Variants in RIC8B observed in about 807,000 individuals in gnomAD.
RIC8B encodes RIC8 guanine nucleotide exchange factor B, also known as chaperone Ric-8B.
Under a neutral mutation model 57.5 loss-of-function variants are expected in RIC8B, and 16 were observed. That is an observed-to-expected ratio of 0.28 (90% CI 0.19 to 0.42). RIC8B has a LOEUF of 0.42. Ranked by LOEUF, RIC8B falls within the 10% of genes least tolerant of loss-of-function variation. The pLI is 1.00. For missense variants in RIC8B, 481 were observed against 677.0 expected, an observed-to-expected ratio of 0.71 and a Z score of 3.21; for synonymous variants, 216 against 250.8, an observed-to-expected ratio of 0.86 and a Z score of 1.31.
intron 9 of RIC8B, among the ~76,000 whole-genome samples, chr12:106,875,173 T>C (rs555813521): frequency 6.6e-6 from 1 of 152,154 alleles, no homozygotes; most frequent in East Asian, 1.9e-4. Context: ...ATTTAAATAT[T>C]GGGGTCCATA....
chr12:106,824,182 C>T (rs2045987048), intron 3 of RIC8B, among the ~76,000 whole-genome samples: 1 of 152,160 alleles, frequency 6.6e-6, no homozygotes. Flanking sequence ...ACCCTTCCCC[C>T]AACCTTCAAA....
intron 2 of RIC8B, among the ~76,000 whole-genome samples, chr12:106,811,328 G>T (rs1052345916): frequency 6.6e-6 from 1 of 152,244 alleles, no homozygotes; most frequent in South Asian, 2.1e-4. Flanking sequence ...TCATAGTTCA[G>T]TGATTCTCAC....
chr12:106,796,038 G>A (rs780711657), intron 2 of RIC8B, among the ~76,000 whole-genome samples: 26 of 152,108 alleles, frequency 1.7e-4, no homozygotes, highest in Non-Finnish European at 2.9e-4. Context: ...CCATGGTCAT[G>A]GATTAGAAGA....
chr12:106,776,046 G>A (rs983077017), intron 1 of RIC8B, among the ~76,000 whole-genome samples: 2 of 152,170 alleles, frequency 1.3e-5, no homozygotes, highest in African/African-American at 2.4e-5. Flanking sequence ...TGGGAGGAGA[G>A]TGATGGTATT....
chr12:106,870,606 C>T (rs1056253522), intron 8 of RIC8B, among the ~76,000 whole-genome samples: 2 of 151,166 alleles, frequency 1.3e-5, no homozygotes, highest in Non-Finnish European at 1.5e-5. Flanking sequence ...AGACAGTTTT[C>T]GTTTTTTAAA....
chr12:106,851,339 T>TTTCA, intron 6 of RIC8B, 111 bp from the exon 7 acceptor site: 1 of 302,506 alleles, frequency 3.3e-6, no homozygotes, highest in Non-Finnish European at 6.2e-6. Flanking sequence ...TTTTTTTTGC[T>TTTCA]CCTACAATAC....
intron 9 of RIC8B, among the ~76,000 whole-genome samples, chr12:106,883,588 ACT>A (rs1951054862): frequency 6.6e-6 from 1 of 151,736 alleles, no homozygotes; most frequent in African/African-American, 2.4e-5. Flanking sequence ...TCTACTTACT[ACT>A]CTCATTCTCC....
At chr12:106,794,594 T>A (rs114380385) in intron 2 of RIC8B, among the ~76,000 whole-genome samples, 1 of 152,116 alleles carries the variant, frequency 6.6e-6, no homozygotes, top group African/African-American at 2.4e-5. Context: ...AGCTGACTTA[T>A]CAGAAATGTA....
chr12:106,813,701 A>T (rs1179998768), intron 2 of RIC8B, among the ~76,000 whole-genome samples: 1 of 152,150 alleles, frequency 6.6e-6, no homozygotes, highest in East Asian at 1.9e-4. Flanking sequence ...ATTAAGTCTG[A>T]TGATAGATTA....
chr12:106,779,751 C>T (rs1241956362), intron 1 of RIC8B, among the ~76,000 whole-genome samples: 1 of 149,178 alleles, frequency 6.7e-6, no homozygotes, highest in Non-Finnish European at 1.5e-5. Context: ...AATCCTTTGG[C>T]TACTGTTGGG....
At chr12:106,834,526 C>G (rs1370483713) in intron 4 of RIC8B, among the ~76,000 whole-genome samples, 1 of 152,128 alleles carries the variant, frequency 6.6e-6, no homozygotes, top group African/African-American at 2.4e-5. Context: ...ACTCTTCTCT[C>G]AATTTTAATA....
At chr12:106,781,571 C>G (rs2043764612) in intron 1 of RIC8B, among the ~76,000 whole-genome samples, 1 of 152,086 alleles carries the variant, frequency 6.6e-6, no homozygotes, top group Non-Finnish European at 1.5e-5. Context: ...CCTCACAGAC[C>G]ATTATATTTT....
intron 4 of RIC8B, among the ~76,000 whole-genome samples, chr12:106,834,492 A>T (rs2046495997): frequency 6.6e-6 from 1 of 152,130 alleles, no homozygotes; most frequent in Non-Finnish European, 1.5e-5. Flanking sequence ...CATCACTGCT[A>T]CCCTTCTGTA....
At chr12:106,806,189 C>G (rs1009779917) in intron 2 of RIC8B, among the ~76,000 whole-genome samples, 1 of 152,146 alleles carries the variant, frequency 6.6e-6, no homozygotes, top group Non-Finnish European at 1.5e-5. Flanking sequence ...TCAGGTGATC[C>G]GCCCACCTCG....
intron 2 of RIC8B, among the ~76,000 whole-genome samples, chr12:106,785,438 C>T (rs551537468): frequency 6.6e-6 from 1 of 152,250 alleles, no homozygotes; most frequent in Admixed American, 6.5e-5. Flanking sequence ...CTATATAAAT[C>T]TCTAAATTAA....
chr12:106,823,921 G>A lies in RIC8B; in HGVS notation c.742-1805G>A, dbSNP rs550050970. Among the ~76,000 whole-genome samples, 26 of 152,224 alleles carry A rather than the reference G, an allele frequency of 1.7e-4. No homozygotes were observed. The South Asian group carries it at 2.9e-3, about 17-fold the overall frequency. ...GGCTATCCTCTAACTCCTGACCTCA[G>A]GTGATCCACCCGCCTCGGCCTCCCG... On this transcript the variant is annotated intron_variant, in intron 3 of 9. Transcript: ENST00000392837.
chr12:106,784,305 C>T (rs971317748), intron 2 of RIC8B, among the ~76,000 whole-genome samples: 2 of 152,104 alleles, frequency 1.3e-5, no homozygotes, highest in African/African-American at 4.8e-5. Context: ...GAGTCTCTTC[C>T]CAGATCTACT....
Position 106,815,141 on chromosome 12 carries a change from C to G in RIC8B, c.578C>G (p.Thr193Arg). 6.2e-7 allele frequency: 1 copy of G among 1,614,216 alleles called. No homozygotes were observed. The highest frequency in any genetic ancestry group is 8.5e-7 in the Non-Finnish European group (1 of 1,180,038). ...GAGCTCCAGGGACTACCGCTGCTAA[C>G]GCAGATCTTGGAAAGTGCCTTTAGC... ...RYELQGLPLL[T>R]QILESAFSIK... Residue 193 changes from threonine to arginine, a missense_variant, in exon 3 of 10, where the codon ACG becomes AGG. Physicochemically the swap from Thr to Arg is moderately conservative, Grantham distance 71. Transcript: ENST00000392837.
At chr12:106,784,827 A>G (rs984693644) in intron 2 of RIC8B, among the ~76,000 whole-genome samples, 3 of 152,204 alleles carry the variant, frequency 2.0e-5, no homozygotes, top group African/African-American at 7.2e-5. Context: ...CCTTGAAATC[A>G]TTCCTCCATT....
Sources: gnomAD v4.1 joint callset for allele counts (sites outside exome capture counted in the v4.1 genomes callset) on GRCh38, gnomAD v4.1.1 for gene constraint, MANE v1.5 for transcripts, NCBI Gene and HGNC (gene_info 2026-07-23, HGNC 2026-07-21) for gene names.